The following DMD variants were observed in gnomAD, a reference collection of about 807,000 sequenced individuals.
DMD encodes the protein mutant dystrophin.
In DMD, 63 loss-of-function variants were observed where a neutral mutation model predicts 330.1. That is an observed-to-expected ratio of 0.19 (90% CI 0.16 to 0.24). DMD has a LOEUF of 0.24. DMD is among the 10% of genes least tolerant of loss of function. DMD has a pLI of 1.00. For synonymous variants in DMD, 1,223 were observed against 959.8 expected (o/e 1.27, Z -5.07); for missense variants, 3,344 against 2,684.1 (o/e 1.25, Z -5.43).
intron 7 of DMD, among the ~76,000 whole-genome samples, chrX:32,718,050 T>C (rs1441908795): frequency 1.8e-5 from 2 of 111,383 alleles, no homozygotes; most frequent in Non-Finnish European, 1.9e-5. Context: ...GATGAGACTT[T>C]GGACTGTGGA....
intron 44 of DMD, among the ~76,000 whole-genome samples, chrX:32,073,253 G>A (rs980997628): frequency 2.7e-5 from 3 of 111,463 alleles, no homozygotes; most frequent in Non-Finnish European, 5.7e-5. Flanking sequence ...TCAGTCCCTC[G>A]GTGAAAGTGA....
At position 32,887,745 on chromosome X, in the gene DMD, CAAAAAAAAAAAA is replaced by C. The variant is rs771100080; in HGVS notation, c.94-37937_94-37926del. 0.028 allele frequency among the ~76,000 whole-genome samples: 182 copies of C among 6,496 alleles called. 7 individuals carry two copies. The South Asian group carries it at 0.4, about 14-fold the overall frequency. The allele number at this position is 6,496 out of a possible 115,157, so 5.6% of individuals were successfully genotyped here. A position where few individuals can be genotyped will look rare whatever the true frequency, so the allele number is the denominator to read the frequency against. On this transcript the variant is annotated intron_variant, in intron 2 of 78. Transcript: ENST00000357033. Reference sequence around the variant, plus strand: ...CCTGGGTGACAAAGCAAGACTGTCTCAAAAAAAAAAAAAAAAAAAAAAAAAAAAAAACATCAA... The same window carrying C: ...CCTGGGTGACAAAGCAAGACTGTCTCAAAAAAAAAAAAAAAAAAACATCAA...
At chrX:32,326,250 C>A (rs1230827775) in intron 41 of DMD, among the ~76,000 whole-genome samples, 1 of 111,833 alleles carries the variant, frequency 8.9e-6, no homozygotes, top group African/African-American at 3.3e-5. Flanking sequence ...ATATGCACAA[C>A]AATTTCATAT....
At position 32,850,339 on chromosome X, in the gene DMD, G is replaced by A. The variant is rs147519852; in HGVS notation, c.94-519C>T. Among the ~76,000 whole-genome samples, 496 of 111,544 alleles carry A rather than the reference G, an allele frequency of 4.4e-3. 2 individuals carry two copies. The highest frequency in any genetic ancestry group is 4.7e-3 in the Non-Finnish European group (252 of 53,085). On this transcript the variant is annotated intron_variant, in intron 2 of 78. Transcript: ENST00000357033. Reference sequence around the variant, plus strand: ...GGATAACTCAAATTTTAGGAATATCGGGTTTAATTAGGTTTGAAACAACCC... The same window carrying A: ...GGATAACTCAAATTTTAGGAATATCAGGTTTAATTAGGTTTGAAACAACCC...
At chrX:32,200,077 A>T (rs918753904) in intron 44 of DMD, among the ~76,000 whole-genome samples, 3 of 111,119 alleles carry the variant, frequency 2.7e-5, no homozygotes, top group Non-Finnish European at 5.7e-5. Flanking sequence ...AAGGCTGTTT[A>T]TATATCTGTT....
At chrX:32,743,442 GTAAATTTAAAC>G (rs1271176411) in intron 7 of DMD, among the ~76,000 whole-genome samples, 1 of 111,025 alleles carries the variant, frequency 9.0e-6, no homozygotes, top group African/African-American at 3.3e-5. Flanking sequence ...TAAAGACAGG[GTAAATTTAAAC>G]TATTATTTTA....
At chrX:31,499,848 T>G (rs2070264871) in intron 56 of DMD, among the ~76,000 whole-genome samples, 1 of 111,779 alleles carries the variant, frequency 8.9e-6, no homozygotes, top group Non-Finnish European at 1.9e-5. Flanking sequence ...ATAGGGAAGT[T>G]GTTAGAAGCC....
At chrX:33,236,064 T>C (rs1180974947) in intron 1 of DMD, among the ~76,000 whole-genome samples, 3 of 102,797 alleles carry the variant, frequency 2.9e-5, no homozygotes, top group Non-Finnish European at 4.0e-5. Context: ...CACAGGCACC[T>C]GCCACCACGC....
At chrX:31,319,108 G>C (rs1467756012) in intron 62 of DMD, among the ~76,000 whole-genome samples, 2 of 112,013 alleles carry the variant, frequency 1.8e-5, no homozygotes, top group African/African-American at 6.5e-5. Flanking sequence ...CTTCATGAGT[G>C]AGTGGAAACT....
intron 43 of DMD, among the ~76,000 whole-genome samples, chrX:32,247,873 C>A: frequency 9.0e-6 from 1 of 111,676 alleles, no homozygotes; most frequent in Non-Finnish European, 1.9e-5. Context: ...TCACACTAAT[C>A]TTTGTTGAAT....
chrX:31,748,184 G>A (rs771282121), intron 51 of DMD, among the ~76,000 whole-genome samples: 25 of 112,051 alleles, frequency 2.2e-4, no homozygotes, highest in African/African-American at 8.1e-4. Flanking sequence ...AGGTGTTACT[G>A]AGGTGAAGGC....
chrX:33,116,381 C>G (rs960861635), intron 1 of DMD, among the ~76,000 whole-genome samples: 2 of 109,622 alleles, frequency 1.8e-5, no homozygotes, highest in African/African-American at 6.7e-5. Context: ...TGTGGTGGAG[C>G]GCTGGTAGTC....
intron 29 of DMD, among the ~76,000 whole-genome samples, chrX:32,431,652 T>G (rs1253451807): frequency 8.9e-6 from 1 of 111,867 alleles, no homozygotes; most frequent in Non-Finnish European, 1.9e-5. Context: ...ATATTCATTT[T>G]CTAATTTTTA....
intron 7 of DMD, among the ~76,000 whole-genome samples, chrX:32,787,212 AAG>A (rs2075427469): frequency 3.6e-5 from 2 of 55,592 alleles, no homozygotes; most frequent in African/African-American, 8.2e-5. Flanking sequence ...TCTCTCTGTC[AAG>A]TGTGTGTGTG....
Position 32,906,164 on chromosome X carries a change from T to C in DMD, c.94-56344A>G, listed in dbSNP as rs746830905. ...GTGGCAGGTGATTGGATCACGGTGT[T>C]TCTCATTAATGGTGTAGCACCATCC... On this transcript the variant is annotated intron_variant, in intron 2 of 78. Coordinates refer to ENST00000357033, the MANE Select transcript of DMD (RefSeq NM_004006.3). Among the ~76,000 whole-genome samples the C allele has an allele frequency of 9.9e-5, 11 of 111,620 alleles. No homozygotes were observed. The East Asian group carries it at 3.1e-3, about 32-fold the overall frequency.
rs1438782223 is a variant in DMD at position 31,929,654 on chromosome X, G to A, written c.6854C>T (p.Pro2285Leu). The A allele has an allele frequency of 5.8e-6, 7 of 1,208,922 alleles. No individual in the cohort carries two copies. In the African/African-American group the frequency reaches 1.2e-4, roughly 21 times the overall value. ...GPVLVSAPIS[P>L]EEQDKLENKL... ...ATTTTCAAGTTTATCTTGCTCTTCT[G>A]GGCTTATGGGAGCACTTACAAGCAC... The change falls in exon 47 of 79, where the codon CCA (proline) becomes CTA (leucine). Residue 2285 changes from proline (P) to leucine (L), a missense_variant. Coordinates refer to ENST00000357033, the MANE Select transcript of DMD (RefSeq NM_004006.3).
intron 36 of DMD, among the ~76,000 whole-genome samples, 180 bp downstream of exon 36, chrX:32,364,388 AAAGTCAGATTACAG>A (rs1236863757): frequency 3.6e-5 from 4 of 112,065 alleles, no homozygotes; most frequent in Non-Finnish European, 7.5e-5. Context: ...ATTTGAACAG[AAAGTCAGATTACAG>A]AACTCTTCAA....
At chrX:32,770,052 A>G (rs2073434189) in intron 7 of DMD, among the ~76,000 whole-genome samples, 1 of 111,791 alleles carries the variant, frequency 8.9e-6, no homozygotes, top group Admixed American at 9.6e-5. Context: ...GTTCAGGAAC[A>G]TGTATTCCCA....
chrX:31,652,155 T>C (rs990922307), intron 54 of DMD, among the ~76,000 whole-genome samples: 7 of 111,487 alleles, frequency 6.3e-5, no homozygotes, highest in South Asian at 3.7e-4. Context: ...GACTACTTTT[T>C]CCCCCCCAAT....
Sources: allele counts gnomAD v4.1 joint callset (sites outside exome capture counted in the v4.1 genomes callset), GRCh38; gene constraint gnomAD v4.1.1; transcripts MANE v1.5; gene names NCBI Gene and HGNC (gene_info 2026-07-23, HGNC 2026-07-21).